Variants in SLCO5A1 observed in about 807,000 individuals in gnomAD.
The protein encoded by SLCO5A1 is solute carrier organic anion transporter family member 5A1.
A neutral mutation model predicts 65.1 loss-of-function variants in SLCO5A1; 39 were observed. That is an observed-to-expected ratio of 0.60 (90% confidence interval 0.46 to 0.78). SLCO5A1 has a LOEUF of 0.78. Among genes scored for constraint, SLCO5A1 ranks in the 30% least tolerant of loss-of-function variants. The probability of loss-of-function intolerance (pLI) is 0.00; values close to 1 mark genes in which losing one functional copy is unlikely to be tolerated. For synonymous variants in SLCO5A1, 438 were observed against 415.7 expected, an observed-to-expected ratio of 1.05 and a Z score of -0.65; for missense variants, 1,029 against 1,069.4, an observed-to-expected ratio of 0.96 and a Z score of 0.53.
intron 2 of SLCO5A1, among the ~76,000 whole-genome samples, chr8:69,791,672 C>T (rs1819277504): frequency 6.6e-6 from 1 of 152,172 alleles, no homozygotes. Flanking sequence ...TAGTAACTTC[C>T]CTCAAGAAGC....
chr8:69,807,956 G>A (rs1820072159), intron 2 of SLCO5A1, among the ~76,000 whole-genome samples: 1 of 152,176 alleles, frequency 6.6e-6, no homozygotes, highest in African/African-American at 2.4e-5. Flanking sequence ...GCCTGCCTCA[G>A]CCTCCCAAAG....
intron 2 of SLCO5A1, among the ~76,000 whole-genome samples, chr8:69,777,094 T>C (rs1818592092): frequency 6.6e-6 from 1 of 152,206 alleles, no homozygotes; most frequent in African/African-American, 2.4e-5. Context: ...CATATGTCCA[T>C]ACAAATGTTC....
Position 69,798,034 on chromosome 8 carries a change from C to A in SLCO5A1, c.907+33733G>T, listed in dbSNP as rs189577282. ...GACATGTGATGTCTCCCCCGGACAC[C>A]CAGCTTTAAAATTTCTCGTTTGTAC... is the stretch of plus-strand genomic sequence containing the variant. On this transcript the variant is annotated intron_variant, in intron 2 of 9. Coordinates refer to ENST00000260126, the MANE Select transcript of SLCO5A1 (RefSeq NM_030958.3). 5.9e-4 allele frequency among the ~76,000 whole-genome samples: 90 copies of A among 152,244 alleles called. 2 individuals are homozygous for A. The South Asian group carries it at 0.011, about 19-fold the overall frequency.
chr8:69,689,174 T>C (rs1814130664), intron 6 of SLCO5A1, among the ~76,000 whole-genome samples: 1 of 136,002 alleles, frequency 7.4e-6, no homozygotes, highest in African/African-American at 2.9e-5. Context: ...TGCCCACTTT[T>C]TGATGGGGTT....
chr8:69,787,001 A>G (rs1443801745), intron 2 of SLCO5A1, among the ~76,000 whole-genome samples: 1 of 152,202 alleles, frequency 6.6e-6, no homozygotes, highest in African/African-American at 2.4e-5. Flanking sequence ...GGCAGAAGGC[A>G]AGGAAACCTG....
intron 2 of SLCO5A1, among the ~76,000 whole-genome samples, chr8:69,779,695 G>C (rs1818717841): frequency 6.6e-6 from 1 of 152,098 alleles, no homozygotes; most frequent in African/African-American, 2.4e-5. Context: ...ATTAGTAAGT[G>C]GTAGAACCCA....
chr8:69,673,747 C>T (rs1813432997), intron 9 of SLCO5A1, among the ~76,000 whole-genome samples: 1 of 152,116 alleles, frequency 6.6e-6, no homozygotes, highest in Admixed American at 6.5e-5. Flanking sequence ...TTATTACCCA[C>T]CAAAATTCGA....
intron 5 of SLCO5A1, among the ~76,000 whole-genome samples, chr8:69,718,985 C>A (rs1815694570): frequency 6.6e-6 from 1 of 152,100 alleles, no homozygotes; most frequent in South Asian, 2.1e-4. Context: ...GAGCAAAAAC[C>A]TGAAGGAGCA....
intron 2 of SLCO5A1, among the ~76,000 whole-genome samples, chr8:69,791,058 G>C (rs1443529341): frequency 6.6e-6 from 1 of 152,158 alleles, no homozygotes; most frequent in African/African-American, 2.4e-5. Flanking sequence ...AGGGAAGAAA[G>C]GAAGGAAGGG....
intron 2 of SLCO5A1, among the ~76,000 whole-genome samples, chr8:69,786,346 C>T (rs1304366864): frequency 6.6e-6 from 1 of 152,126 alleles, no homozygotes; most frequent in Non-Finnish European, 1.5e-5. Context: ...ACCTCATGAT[C>T]CATCCAATCC....
chr8:69,770,522 C>T (rs1167620675), intron 2 of SLCO5A1, among the ~76,000 whole-genome samples: 3 of 152,140 alleles, frequency 2.0e-5, no homozygotes, highest in Admixed American at 1.3e-4. Flanking sequence ...TATACACACC[C>T]GCCCCTGTCG....
At chr8:69,813,451 T>C (rs1820289892) in intron 2 of SLCO5A1, among the ~76,000 whole-genome samples, 1 of 152,204 alleles carries the variant, frequency 6.6e-6, no homozygotes, top group South Asian at 2.1e-4. Flanking sequence ...CTTTCTAAGT[T>C]ATATTAGGGA....
At chr8:69,728,059 G>T (rs886535523) in intron 5 of SLCO5A1, among the ~76,000 whole-genome samples, 2 of 152,102 alleles carry the variant, frequency 1.3e-5, no homozygotes. Context: ...CATCATTAGG[G>T]GACTGAATAG....
At chr8:69,726,069 TTTG>T (rs1351303385) in intron 5 of SLCO5A1, among the ~76,000 whole-genome samples, 1 of 152,244 alleles carries the variant, frequency 6.6e-6, no homozygotes, top group Admixed American at 6.5e-5. Flanking sequence ...CATGTTTGTC[TTTG>T]TTTTTCAGTG....
At chr8:69,820,855 GA>G (rs1820604518) in intron 2 of SLCO5A1, among the ~76,000 whole-genome samples, 1 of 151,970 alleles carries the variant, frequency 6.6e-6, no homozygotes, top group Non-Finnish European at 1.5e-5. Context: ...TGCACACATG[GA>G]ATCCCACCTG....
chr8:69,801,411 G>A (rs1452304775), intron 2 of SLCO5A1, among the ~76,000 whole-genome samples: 1 of 152,088 alleles, frequency 6.6e-6, no homozygotes, highest in Admixed American at 6.5e-5. Flanking sequence ...TCCTCGGAAA[G>A]CAAACAAGAA....
At chr8:69,691,474 A>C (rs1814257704) in intron 6 of SLCO5A1, among the ~76,000 whole-genome samples, 1 of 152,190 alleles carries the variant, frequency 6.6e-6, no homozygotes, top group Non-Finnish European at 1.5e-5. Flanking sequence ...TTAAAACTAT[A>C]TGGCTCCTGA....
At chr8:69,675,440 G>A (rs750822413) in intron 9 of SLCO5A1, among the ~76,000 whole-genome samples, 4 of 152,078 alleles carry the variant, frequency 2.6e-5, no homozygotes, top group African/African-American at 9.7e-5. Context: ...GCCTCCCAAA[G>A]TGCAGGGATT....
At chr8:69,764,703 TA>T (rs1298116230) in intron 2 of SLCO5A1, among the ~76,000 whole-genome samples, 2 of 152,226 alleles carry the variant, frequency 1.3e-5, no homozygotes, top group Non-Finnish European at 2.9e-5. Flanking sequence ...GGTATTCCCA[TA>T]CGCATATGAA....
Sources: allele counts gnomAD v4.1 joint callset (sites outside exome capture counted in the v4.1 genomes callset), GRCh38; gene constraint gnomAD v4.1.1; transcripts MANE v1.5; gene names NCBI Gene and HGNC (gene_info 2026-07-23, HGNC 2026-07-21).